PKIG: variants seen among roughly 807,000 people sequenced by gnomAD.
PKIG encodes protein kinase (cAMP-dependent, catalytic) inhibitor gamma.
Under a neutral mutation model 6.8 loss-of-function variants are expected in PKIG, and 1 was observed. The ratio of observed to expected loss-of-function variants is 0.15; its 90% CI spans 0.05 to 0.69. PKIG has a LOEUF of 0.69. Ranked by LOEUF, PKIG falls within the 30% of genes least tolerant of loss-of-function variation. PKIG has a pLI of 0.82. For missense variants in PKIG, 77 were observed against 104.0 expected (o/e 0.74, Z 1.13); for synonymous variants, 39 against 43.0 (o/e 0.91, Z 0.36).
chr20:44,557,752 A>T (rs1374711662), intron 1 of PKIG, among the ~76,000 whole-genome samples: 2 of 151,980 alleles, frequency 1.3e-5, no homozygotes, highest in African/African-American at 4.8e-5. Context: ...TGAACCTGGC[A>T]GGTGGAGCTT....
At chr20:44,545,378 A>G (rs1021450197) in intron 1 of PKIG, among the ~76,000 whole-genome samples, 1 of 152,216 alleles carries the variant, frequency 6.6e-6, no homozygotes, top group Non-Finnish European at 1.5e-5. Flanking sequence ...AACCAATGAA[A>G]TGTAAAGGGA....
rs188048867 is a variant in PKIG at position 44,611,618 on chromosome 20, G to A, written c.-23-2916G>A. On this transcript the variant is annotated intron_variant, in intron 2 of 3. Transcript: ENST00000372886. The stretch of plus-strand genomic sequence containing the variant: ...TGCAAGCTCCGCCTCCTGGGTTCAC[G>A]CCATTCTCCTGCCTCAGCCTCCTGA... Among the ~76,000 whole-genome samples, 134 of 151,352 alleles carry A rather than the reference G, an allele frequency of 8.9e-4. 1 individual carries two copies. Among genetic ancestry groups the A allele is most frequent in the Admixed American group, 4.1e-3 (62 of 15,180 alleles).
intron 2 of PKIG, among the ~76,000 whole-genome samples, chr20:44,608,109 G>A (rs893995880): frequency 6.6e-6 from 1 of 152,228 alleles, no homozygotes; most frequent in Non-Finnish European, 1.5e-5. Flanking sequence ...TGGGGAGGGT[G>A]TCTGGATCGG....
chr20:44,598,979 A>G (rs1283799368), intron 2 of PKIG: 1 of 152,202 alleles, frequency 6.6e-6, no homozygotes, highest in Non-Finnish European at 1.5e-5. Flanking sequence ...GTGGTGGTAG[A>G]ATCAAGAGAG....
chr20:44,540,653 A>C (rs898772620), intron 1 of PKIG, among the ~76,000 whole-genome samples: 2 of 151,896 alleles, frequency 1.3e-5, no homozygotes, highest in African/African-American at 4.8e-5. Flanking sequence ...ATGTCGACTC[A>C]CTGCAACCTC....
At chr20:44,559,403 G>T (rs1179744855) in intron 1 of PKIG, among the ~76,000 whole-genome samples, 1 of 152,032 alleles carries the variant, frequency 6.6e-6, no homozygotes, top group Non-Finnish European at 1.5e-5. Context: ...CAAACCTTTT[G>T]GCTTTGAGTA....
intron 2 of PKIG, among the ~76,000 whole-genome samples, chr20:44,611,520 CTTTTT>C (rs1330858238): frequency 7.1e-6 from 1 of 141,484 alleles, no homozygotes; most frequent in African/African-American, 2.6e-5. Context: ...TCTATATCAA[CTTTTT>C]TTTTTTTTTT....
intron 1 of PKIG, among the ~76,000 whole-genome samples, chr20:44,573,538 A>C (rs907996826): frequency 6.6e-5 from 10 of 152,350 alleles, no homozygotes; most frequent in South Asian, 2.1e-4. Context: ...TTGATGAGAA[A>C]ATTTATGTAA....
intron 1 of PKIG, among the ~76,000 whole-genome samples, chr20:44,559,701 A>G (rs913506064): frequency 2.0e-5 from 3 of 152,230 alleles, no homozygotes; most frequent in African/African-American, 2.4e-5. Context: ...TTTCCATTAC[A>G]TTGGTATTCT....
At chr20:44,611,568 G>A (rs1455187234) in intron 2 of PKIG, among the ~76,000 whole-genome samples, 1 of 149,862 alleles carries the variant, frequency 6.7e-6, no homozygotes, top group African/African-American at 2.5e-5. Context: ...CTAGGCTAGA[G>A]TGCAGTGTCA....
At chr20:44,618,172 T>G (rs2065287144) in intron 3 of PKIG, 113 bp from the exon 4 acceptor site, 13 of 747,538 alleles carry the variant, frequency 1.7e-5, no homozygotes, top group South Asian at 1.7e-4. Context: ...CAGCTCGTCT[T>G]GCTCCCCAGG....
chr20:44,545,932 T>G (rs1014383348), intron 1 of PKIG, among the ~76,000 whole-genome samples: 1 of 151,982 alleles, frequency 6.6e-6, no homozygotes. Flanking sequence ...GCAGAAACTT[T>G]AATTGCTTGA....
intron 1 of PKIG, among the ~76,000 whole-genome samples, chr20:44,548,624 G>A (rs997059585): frequency 4.6e-5 from 7 of 151,940 alleles, no homozygotes; most frequent in African/African-American, 1.2e-4. Flanking sequence ...CTGTTTCCCC[G>A]TCTTTGAAAT....
intron 2 of PKIG, among the ~76,000 whole-genome samples, chr20:44,595,977 A>G (rs1439184970): frequency 2.0e-5 from 3 of 152,178 alleles, no homozygotes; most frequent in Admixed American, 2.0e-4. Context: ...ATTAATTTTA[A>G]ACACATTTTT....
chr20:44,532,111 C>G (rs1198690854), intron 1 of PKIG: 1 of 152,168 alleles, frequency 6.6e-6, no homozygotes, highest in Admixed American at 6.5e-5. Flanking sequence ...GTCCCTCAGC[C>G]GCGCCGGGGA....
intron 2 of PKIG, among the ~76,000 whole-genome samples, chr20:44,606,427 A>T (rs1274273965): frequency 6.6e-6 from 1 of 152,188 alleles, no homozygotes; most frequent in Non-Finnish European, 1.5e-5. Flanking sequence ...CCAAAATACC[A>T]ATGTGATAAT....
At chr20:44,571,014 A>G (rs896632825) in intron 1 of PKIG, among the ~76,000 whole-genome samples, 3 of 152,112 alleles carry the variant, frequency 2.0e-5, no homozygotes, top group Non-Finnish European at 4.4e-5. Context: ...CGAGTGGATC[A>G]CTTGAAGCCA....
rs1395493254 is a variant in PKIG at position 44,618,945 on chromosome 20, A to AT, written c.*585dup. 6.4e-6 allele frequency: 1 copy of AT among 155,512 alleles called. No homozygotes were observed. Among genetic ancestry groups the AT allele is most frequent in the Non-Finnish European group, 1.4e-5 (1 of 69,890 alleles). The allele number at this position is 155,512 out of a possible 1,614,324, so 9.6% of individuals were successfully genotyped here. On this transcript the variant is annotated 3_prime_UTR_variant, in exon 4 of 4. Transcript: ENST00000372886. The stretch of plus-strand genomic sequence containing the variant: ...CCACAGATCCATTTTTAGGGAAGGG[A>AT]TTTTGGCTCAAAACGATCTGACCAC...
At chr20:44,533,917 A>G (rs2064489825) in intron 1 of PKIG, among the ~76,000 whole-genome samples, 1 of 152,240 alleles carries the variant, frequency 6.6e-6, no homozygotes, top group African/African-American at 2.4e-5. Flanking sequence ...GTAAATAAAT[A>G]TGGAGGTCGG....
Sources: gnomAD v4.1 joint callset for allele counts (sites outside exome capture counted in the v4.1 genomes callset) on GRCh38, gnomAD v4.1.1 for gene constraint, MANE v1.5 for transcripts, NCBI Gene and HGNC (gene_info 2026-07-23, HGNC 2026-07-21) for gene names.